WWOX: variants seen among roughly 807,000 people sequenced by gnomAD.
The protein encoded by WWOX is WW domain containing oxidoreductase.
In WWOX, 69 loss-of-function variants were observed where a neutral mutation model predicts 46.2. That is an observed-to-expected ratio of 1.49 (90% CI 1.23 to 1.82). WWOX has a LOEUF of 1.82. Among genes scored for constraint, WWOX ranks in the 40% most tolerant of loss-of-function variants. The pLI is 0.00. For missense variants in WWOX, 919 were observed against 542.6 expected, an observed-to-expected ratio of 1.69 and a Z score of -6.89; for synonymous variants, 359 against 202.6, an observed-to-expected ratio of 1.77 and a Z score of -6.56.
chr16:78,173,714 A>G (rs556308198), intron 5 of WWOX, among the ~76,000 whole-genome samples: 2 of 152,324 alleles, frequency 1.3e-5, no homozygotes, highest in African/African-American at 4.8e-5. Context: ...AACTTGTCCA[A>G]TGCAGATCTG....
intron 8 of WWOX, among the ~76,000 whole-genome samples, chr16:78,851,276 A>G (rs1464921093): frequency 6.6e-6 from 1 of 152,198 alleles, no homozygotes; most frequent in Non-Finnish European, 1.5e-5. Context: ...ATAAACAATA[A>G]TTTTCAACAG....
At chr16:78,753,431 G>T (rs1473680958) in intron 8 of WWOX, among the ~76,000 whole-genome samples, 1 of 152,144 alleles carries the variant, frequency 6.6e-6, no homozygotes, top group Non-Finnish European at 1.5e-5. Flanking sequence ...AGTCACCCCT[G>T]TGTCTTAAGA....
intron 8 of WWOX, among the ~76,000 whole-genome samples, chr16:78,934,581 C>G (rs991017277): frequency 6.6e-6 from 1 of 150,762 alleles, no homozygotes; most frequent in Non-Finnish European, 1.5e-5. Flanking sequence ...TGATTAGAAG[C>G]TAGCATCTGT....
chr16:78,762,202 A>G (rs1425481311), intron 8 of WWOX, among the ~76,000 whole-genome samples: 2 of 152,158 alleles, frequency 1.3e-5, no homozygotes, highest in South Asian at 2.1e-4. Flanking sequence ...AGACCCAGGA[A>G]TTTCCTCAGC....
chr16:78,168,276 C>G (rs1046510817), intron 5 of WWOX: 1 of 152,212 alleles, frequency 6.6e-6, no homozygotes, highest in East Asian at 1.9e-4. Flanking sequence ...TCCGGGATCG[C>G]CATGTTCTAG....
In WWOX at chr16:78,950,517, AACACACACACACACATACAC is replaced by A. The variant is rs1015929366; in HGVS notation, c.1057-261075_1057-261056del. Among the ~76,000 whole-genome samples the A allele has an allele frequency of 2.8e-4, 29 of 105,236 alleles. No individual in the cohort carries two copies. The Admixed American group carries it at 2.8e-3, about 10-fold the overall frequency. The allele number at this position is 105,236 out of a possible 152,430, so 69.0% of individuals were successfully genotyped here. On this transcript the variant is annotated intron_variant, in intron 8 of 8. Coordinates refer to ENST00000566780, the MANE Select transcript of WWOX (RefSeq NM_016373.4). Reference sequence around the variant, plus strand: ...CAAAGCAAACCCTGGCTATTAAAGGAACACACACACACACATACACACACACACACACACACACACACACA... The same window carrying A: ...CAAAGCAAACCCTGGCTATTAAAGGAACACACACACACACACACACACACA...
intron 8 of WWOX, among the ~76,000 whole-genome samples, chr16:78,766,789 C>G (rs182745277): frequency 1.3e-5 from 2 of 152,164 alleles, no homozygotes; most frequent in Non-Finnish European, 2.9e-5. Flanking sequence ...TTTATTTTGG[C>G]AAAATGTACA....
intron 6 of WWOX, among the ~76,000 whole-genome samples, chr16:78,390,973 T>G (rs1162243951): frequency 6.6e-6 from 1 of 152,218 alleles, no homozygotes; most frequent in African/African-American, 2.4e-5. Flanking sequence ...AGTTCCTGTG[T>G]GTATTCCCTT....
intron 5 of WWOX, among the ~76,000 whole-genome samples, chr16:78,363,000 A>G (rs1322267839): frequency 6.6e-6 from 1 of 152,180 alleles, no homozygotes; most frequent in Non-Finnish European, 1.5e-5. Flanking sequence ...TCAAGTCTTC[A>G]GTTCCATGTG....
intron 8 of WWOX, among the ~76,000 whole-genome samples, chr16:78,725,251 G>A (rs778329962): frequency 2.6e-5 from 4 of 151,524 alleles, no homozygotes; most frequent in Non-Finnish European, 5.9e-5. Flanking sequence ...CCCCAGCCAC[G>A]TGAAATTGTG....
intron 5 of WWOX, among the ~76,000 whole-genome samples, chr16:78,229,508 A>G (rs2113155): frequency 0.42 from 52,270 of 125,310 alleles, 10,053 homozygotes; most frequent in East Asian, 0.61. Context: ...ATCTATATCT[A>G]TATAGAGATA....
intron 8 of WWOX, among the ~76,000 whole-genome samples, chr16:78,520,848 G>T (rs568804503): frequency 6.6e-6 from 1 of 152,124 alleles, no homozygotes; most frequent in Non-Finnish European, 1.5e-5. Context: ...GCTCAGGGGA[G>T]CCTTGGTTGT....
chr16:78,421,677 G>T (rs2082935320), intron 6 of WWOX, among the ~76,000 whole-genome samples: 2 of 152,120 alleles, frequency 1.3e-5, no homozygotes, highest in Non-Finnish European at 2.9e-5. Flanking sequence ...GGAATGGTCT[G>T]CCCCAGATGC....
intron 8 of WWOX, among the ~76,000 whole-genome samples, chr16:78,950,553 C>G (rs2046039562): frequency 6.6e-6 from 1 of 151,774 alleles, no homozygotes; most frequent in South Asian, 2.1e-4. Flanking sequence ...CACACACACA[C>G]ACACACACAC....
chr16:78,543,293 C>A, intron 8 of WWOX, among the ~76,000 whole-genome samples: 1 of 150,236 alleles, frequency 6.7e-6, no homozygotes, highest in East Asian at 2.0e-4. Flanking sequence ...ACTGGCTAGG[C>A]CAGTCACGTG....
chr16:78,714,262 T>C (rs569689667), intron 8 of WWOX, among the ~76,000 whole-genome samples: 26 of 152,218 alleles, frequency 1.7e-4, no homozygotes, highest in Non-Finnish European at 3.4e-4. Context: ...AACGGACTCA[T>C]AGTTGCACAT....
chr16:78,608,395 C>T (rs193049605), intron 8 of WWOX, among the ~76,000 whole-genome samples: 1 of 152,318 alleles, frequency 6.6e-6, no homozygotes, highest in Non-Finnish European at 1.5e-5. Flanking sequence ...CCCCCAAATG[C>T]CTGTGCTACA....
chr16:78,754,091 T>C (rs924487860), intron 8 of WWOX, among the ~76,000 whole-genome samples: 13 of 151,872 alleles, frequency 8.6e-5, no homozygotes, highest in African/African-American at 2.7e-4. Context: ...TTGCTAAGTA[T>C]TATTAGATTG....
At chr16:78,718,344 A>C (rs962395141) in intron 8 of WWOX, among the ~76,000 whole-genome samples, 21 of 152,234 alleles carry the variant, frequency 1.4e-4, no homozygotes, top group African/African-American at 4.8e-4. Flanking sequence ...GTGCCAAAAA[A>C]ATTTAAAAAA....
Sources: allele counts gnomAD v4.1 joint callset (sites outside exome capture counted in the v4.1 genomes callset), GRCh38; gene constraint gnomAD v4.1.1; transcripts MANE v1.5; gene names NCBI Gene and HGNC (gene_info 2026-07-23, HGNC 2026-07-21).